The following FOXN3 variants were observed in gnomAD, a reference collection of about 807,000 sequenced individuals.
FOXN3 encodes the protein forkhead box N3.
A neutral mutation model predicts 38.4 loss-of-function variants in FOXN3; 7 were observed. That is an observed-to-expected ratio of 0.18 (90% CI 0.10 to 0.34). The LOEUF is 0.34. FOXN3 is among the 10% of genes least tolerant of loss of function. The pLI, the probability that FOXN3 is intolerant of heterozygous loss-of-function variation, is 1.00. For missense variants in FOXN3, 456 were observed against 613.4 expected (o/e 0.74, Z 2.71); for synonymous variants, 230 against 242.2 (o/e 0.95, Z 0.47).
intron 4 of FOXN3, among the ~76,000 whole-genome samples, chr14:89,230,056 T>C (rs1316998899): frequency 6.6e-6 from 1 of 152,192 alleles, no homozygotes; most frequent in Non-Finnish European, 1.5e-5. Context: ...ATGCCATGAA[T>C]TCACTAGTCC....
chr14:89,217,579 AC>A (rs1302515862), intron 4 of FOXN3, among the ~76,000 whole-genome samples: 2 of 152,168 alleles, frequency 1.3e-5, no homozygotes, highest in African/African-American at 4.8e-5. Context: ...CTTTTGGGCA[AC>A]CCACTTCACT....
At chr14:89,251,669 T>G (rs1420140356) in intron 4 of FOXN3, among the ~76,000 whole-genome samples, 2 of 152,230 alleles carry the variant, frequency 1.3e-5, no homozygotes, top group African/African-American at 4.8e-5. Flanking sequence ...TTTCCTTCGA[T>G]ATAAAGATCC....
chr14:89,370,358 G>A lies in FOXN3; in HGVS notation c.544-19550C>T, dbSNP rs139580064. 2.6e-3 allele frequency among the ~76,000 whole-genome samples: 400 copies of A among 152,336 alleles called. 1 individual carries two copies. Among genetic ancestry groups the A allele is most frequent in the African/African-American group, 9.3e-3 (388 of 41,578 alleles). On this transcript the variant is annotated intron_variant, in intron 2 of 5. Coordinates refer to ENST00000557258, the MANE Select transcript of FOXN3 (RefSeq NM_005197.4). Reference sequence around the variant, plus strand: ...GATCACAACCAGCAAGAGGCAGCAAGAGGCAGAGCCAGGCTTCAAACCTGG... The same window carrying A: ...GATCACAACCAGCAAGAGGCAGCAAAAGGCAGAGCCAGGCTTCAAACCTGG...
At chr14:89,460,180 T>C (rs1262339382) in intron 1 of FOXN3, among the ~76,000 whole-genome samples, 21 of 152,232 alleles carry the variant, frequency 1.4e-4, no homozygotes, top group Admixed American at 1.4e-3. Flanking sequence ...CATTTTTTCC[T>C]GAGCGTTCCG....
chr14:89,403,539 T>C (rs1431982174), intron 2 of FOXN3, among the ~76,000 whole-genome samples: 1 of 152,234 alleles, frequency 6.6e-6, no homozygotes, highest in African/African-American at 2.4e-5. Context: ...GAGTGCCAAC[T>C]TCCTATGTTA....
At chr14:89,275,453 G>T (rs1036214544) in intron 4 of FOXN3, among the ~76,000 whole-genome samples, 1 of 152,160 alleles carries the variant, frequency 6.6e-6, no homozygotes, top group Non-Finnish European at 1.5e-5. Flanking sequence ...CAAATGAAGC[G>T]CTAGGTATGC....
intron 4 of FOXN3, among the ~76,000 whole-genome samples, chr14:89,230,035 T>C (rs1212316826): frequency 6.6e-6 from 1 of 152,126 alleles, no homozygotes; most frequent in African/African-American, 2.4e-5. Flanking sequence ...CAGAAAAAGG[T>C]AAGGCCCTCA....
intron 2 of FOXN3, among the ~76,000 whole-genome samples, chr14:89,358,125 C>G (rs944677979): frequency 1.3e-5 from 2 of 152,218 alleles, no homozygotes; most frequent in Admixed American, 6.5e-5. Context: ...CTCTGTAGGT[C>G]ACATGGTCTC....
chr14:89,401,784 ATGAAG>A, intron 2 of FOXN3: 1 of 396,100 alleles, frequency 2.5e-6, no homozygotes, highest in Non-Finnish European at 5.0e-6. Flanking sequence ...ACAGCCTTCT[ATGAAG>A]CACTTCACAG....
chr14:89,545,321 G>C (rs11845439), intron 1 of FOXN3, among the ~76,000 whole-genome samples: 5,415 of 152,254 alleles, frequency 0.036, 292 homozygotes, highest in African/African-American at 0.12. Flanking sequence ...CGTCGATACG[G>C]GGGCCACCAG....
chr14:89,198,956 A>G (rs1401978811), intron 4 of FOXN3, among the ~76,000 whole-genome samples: 1 of 152,246 alleles, frequency 6.6e-6, no homozygotes, highest in Non-Finnish European at 1.5e-5. Flanking sequence ...GGCATCGGTT[A>G]AGACAGATAG....
At chr14:89,306,365 CTTT>C (rs1333479106) in intron 3 of FOXN3, among the ~76,000 whole-genome samples, 1 of 145,496 alleles carries the variant, frequency 6.9e-6, no homozygotes. Flanking sequence ...CTTTGGTTCT[CTTT>C]TTTTTTTTTG....
chr14:89,453,235 C>A (rs1307711943), intron 1 of FOXN3, among the ~76,000 whole-genome samples: 2 of 150,852 alleles, frequency 1.3e-5, no homozygotes. Flanking sequence ...TTAAAATGAA[C>A]CCAATGATAA....
chr14:89,331,602 T>C (rs575344855), intron 3 of FOXN3, among the ~76,000 whole-genome samples: 1 of 152,336 alleles, frequency 6.6e-6, no homozygotes, highest in South Asian at 2.1e-4. Context: ...TAGGACCACA[T>C]GGGTCTCCTC....
chr14:89,568,425 C>G (rs900270956), intron 1 of FOXN3, among the ~76,000 whole-genome samples: 1 of 152,154 alleles, frequency 6.6e-6, no homozygotes, highest in Non-Finnish European at 1.5e-5. Flanking sequence ...ACCACCTCCC[C>G]GCACATCCAT....
chr14:89,494,538 C>CTT (rs1052910088), intron 1 of FOXN3, among the ~76,000 whole-genome samples: 12 of 152,128 alleles, frequency 7.9e-5, no homozygotes, highest in Non-Finnish European at 1.6e-4. Context: ...CTTTGTCTTT[C>CTT]TTTTAAAATG....
intron 4 of FOXN3, among the ~76,000 whole-genome samples, chr14:89,276,042 C>T (rs1886290183): frequency 6.6e-6 from 1 of 152,096 alleles, no homozygotes; most frequent in Non-Finnish European, 1.5e-5. Context: ...TTTGGGAGGC[C>T]AAGGCAGATG....
At chr14:89,363,086 CAA>C (rs1889939514) in intron 2 of FOXN3, among the ~76,000 whole-genome samples, 1 of 152,112 alleles carries the variant, frequency 6.6e-6, no homozygotes, top group South Asian at 2.1e-4. Flanking sequence ...CAACAGAGGA[CAA>C]AAGAGATGAG....
intron 4 of FOXN3, among the ~76,000 whole-genome samples, chr14:89,272,976 G>A (rs968518348): frequency 6.6e-6 from 1 of 152,168 alleles, no homozygotes; most frequent in Non-Finnish European, 1.5e-5. Flanking sequence ...CTTCTATGAG[G>A]GGGCTCCTGC....
Sources: allele counts gnomAD v4.1 joint callset (sites outside exome capture counted in the v4.1 genomes callset), GRCh38; gene constraint gnomAD v4.1.1; transcripts MANE v1.5; gene names NCBI Gene and HGNC (gene_info 2026-07-23, HGNC 2026-07-21).